Variants in ADGRD1 observed in about 807,000 individuals in gnomAD.
ADGRD1 encodes the protein G-protein coupled receptor 133.
ADGRD1 carries 77 observed loss-of-function variants against 113.4 expected under a neutral mutation model. The ratio of observed to expected loss-of-function variants is 0.68; its 90% CI spans 0.57 to 0.82. ADGRD1 has a LOEUF of 0.82. ADGRD1 is among the 40% of genes least tolerant of loss of function. The pLI is 0.00. For synonymous variants in ADGRD1, 474 were observed against 475.0 expected (o/e 1.00, Z 0.03); for missense variants, 1,036 against 1,139.1 (o/e 0.91, Z 1.30).
chr12:130,992,028 A>C (rs562043203), intron 7 of ADGRD1, among the ~76,000 whole-genome samples: 129 of 151,924 alleles, frequency 8.5e-4, no homozygotes, highest in African/African-American at 3.0e-3. Flanking sequence ...GGCTGAGGCA[A>C]GAGACTCGCT....
chr12:130,955,122 G>GATTTTTTTTTTTTTTTTTTTTTTTTT (rs1869384063), intron 2 of ADGRD1, among the ~76,000 whole-genome samples: 1 of 21,516 alleles, frequency 4.6e-5, no homozygotes. Flanking sequence ...ACTACACCCA[G>GATTTTTTTTTTTTTTTTTTTTTTTTT]CTTTTTTTTT....
intron 4 of ADGRD1, among the ~76,000 whole-genome samples, chr12:130,979,682 C>T (rs1052468126): frequency 7.9e-5 from 12 of 152,310 alleles, no homozygotes; most frequent in African/African-American, 2.9e-4. Flanking sequence ...CTCTTTGGAC[C>T]AGTTCTGGGC....
At chr12:131,037,301 C>A (rs1463781312) in intron 13 of ADGRD1, among the ~76,000 whole-genome samples, 3 of 124,406 alleles carry the variant, frequency 2.4e-5, no homozygotes, top group African/African-American at 9.3e-5. Flanking sequence ...ACTCACTGCA[C>A]CAGGATCTTA....
At chr12:131,043,196 C>T (rs544348434) in intron 13 of ADGRD1, among the ~76,000 whole-genome samples, 9 of 152,220 alleles carry the variant, frequency 5.9e-5, no homozygotes, top group South Asian at 2.1e-4. Context: ...CTGAGCATGC[C>T]GTGCATTTTC....
chr12:130,955,250 C>T (rs909817048), intron 2 of ADGRD1, among the ~76,000 whole-genome samples: 2 of 151,788 alleles, frequency 1.3e-5, no homozygotes, highest in African/African-American at 4.8e-5. Flanking sequence ...CAGATGTGAG[C>T]CACCACACCC....
At chr12:131,070,060 G>T (rs939099884) in intron 13 of ADGRD1, 1 of 152,230 alleles carries the variant, frequency 6.6e-6, no homozygotes, top group African/African-American at 2.4e-5. Context: ...GCAAAGGCCT[G>T]TCCGTGTGCA....
chr12:130,966,695 G>T lies in ADGRD1; in HGVS notation c.187+149G>T. 1 of 639,592 alleles carries T rather than the reference G, an allele frequency of 1.6e-6. No individual in the cohort carries two copies. The highest frequency in any genetic ancestry group is 1.8e-5 in the South Asian group (1 of 55,658). The allele number at this position is 639,592 out of a possible 1,614,324, so 39.6% of individuals were successfully genotyped here. On this transcript the variant is annotated intron_variant, in intron 3 of 24. Coordinates refer to ENST00000261654, the MANE Select transcript of ADGRD1 (RefSeq NM_198827.5). The surrounding 1 kb of genome is among the most constrained non-coding windows in gnomAD (Gnocchi z 4.6). ...TGACTGTGGGCCGGGGAATCCCAGG[G>T]CCATCGGGGAGCAGATGTGGACACA...
chr12:130,971,278 CTAA>C lies in ADGRD1; in HGVS notation c.188-174_188-172del, dbSNP rs543159105. 3.0e-3 allele frequency: 862 copies of C among 286,266 alleles called. 11 individuals are homozygous for C. Among genetic ancestry groups the C allele is most frequent in the East Asian group, 0.027 (388 of 14,370 alleles). 17.7% of individuals were successfully genotyped at this position (286,266 alleles called of 1,614,324 possible). A position where few individuals can be genotyped will look rare whatever the true frequency, so the allele number is the denominator to read the frequency against. On this transcript the variant is annotated intron_variant, in intron 3 of 24. Transcript: ENST00000261654. This position sits in a 1 kb window ranked among gnomAD's most constrained non-coding sequence, Gnocchi z 4.2. ...ACATTAATAATTTACAATTTAATTA[CTAA>C]TAATATTACTGATGCTATGAATATT...
chr12:131,058,581 T>C (rs776422880), intron 13 of ADGRD1, among the ~76,000 whole-genome samples: 75 of 152,204 alleles, frequency 4.9e-4, no homozygotes, highest in Non-Finnish European at 8.2e-4. Context: ...AAATTCTCTG[T>C]TTTCCTTTGA....
chr12:131,102,588 CAG>C (rs1340535813), intron 15 of ADGRD1, among the ~76,000 whole-genome samples: 1 of 152,176 alleles, frequency 6.6e-6, no homozygotes, highest in African/African-American at 2.4e-5. Flanking sequence ...GGGCTCTGGG[CAG>C]AGTCGGTGTG....
Position 131,003,339 on chromosome 12 carries a change from G to A in ADGRD1, c.1144+37G>A. On this transcript the variant is annotated intron_variant, in intron 10 of 24. Transcript: ENST00000261654. This position sits in a 1 kb window ranked among gnomAD's most constrained non-coding sequence, Gnocchi z 4.8. ...TTGTAAGGGTGAGCCACATGGCAGGGGCGGGGGCTGGAGGCTGCGTTTCAC... is the reference window on the plus strand; with the variant it reads ...TTGTAAGGGTGAGCCACATGGCAGGAGCGGGGGCTGGAGGCTGCGTTTCAC... The A allele has an allele frequency of 1.4e-6, 2 of 1,420,100 alleles. No individual in the cohort carries two copies. Among genetic ancestry groups the A allele is most frequent in the African/African-American group, 1.4e-5 (1 of 71,202 alleles). 88.0% of individuals were successfully genotyped at this position (1,420,100 alleles called of 1,614,324 possible).
At chr12:131,128,151 T>G (rs968235108) in intron 20 of ADGRD1, among the ~76,000 whole-genome samples, 1 of 143,382 alleles carries the variant, frequency 7.0e-6, no homozygotes, top group African/African-American at 2.6e-5. Context: ...GTGATGGGAT[T>G]CTGAGCTCAG....
intron 2 of ADGRD1, among the ~76,000 whole-genome samples, chr12:130,963,502 C>G (rs1287848239): frequency 6.6e-6 from 1 of 152,132 alleles, no homozygotes; most frequent in East Asian, 1.9e-4. Flanking sequence ...CTCTCTCCAT[C>G]CCTGCCCTGA....
chr12:130,955,716 C>T (rs3858551), intron 2 of ADGRD1, among the ~76,000 whole-genome samples: 61,052 of 151,342 alleles, frequency 0.4, 12,445 homozygotes, highest in Middle Eastern at 0.49. Context: ...TGGCTGGGCA[C>T]CCCCCCGAGC....
chr12:130,958,582 G>C (rs1056549339), intron 2 of ADGRD1, among the ~76,000 whole-genome samples: 1 of 152,146 alleles, frequency 6.6e-6, no homozygotes, highest in Non-Finnish European at 1.5e-5. Flanking sequence ...ATCCCTGGCT[G>C]TCTGTGTGAA....
chr12:131,034,234 T>A (rs945600437), intron 13 of ADGRD1, among the ~76,000 whole-genome samples: 1 of 152,138 alleles, frequency 6.6e-6, no homozygotes, highest in Admixed American at 6.5e-5. Context: ...TCCACTCCGC[T>A]CCCGCCATGC....
chr12:131,006,903 GA>G (rs1185042137), intron 12 of ADGRD1, among the ~76,000 whole-genome samples: 1 of 152,196 alleles, frequency 6.6e-6, no homozygotes, highest in Non-Finnish European at 1.5e-5. Flanking sequence ...AATGGTCAAA[GA>G]AAAATGCAAT....
At chr12:131,068,733 T>G (rs1884919562) in intron 13 of ADGRD1, among the ~76,000 whole-genome samples, 1 of 152,196 alleles carries the variant, frequency 6.6e-6, no homozygotes, top group African/African-American at 2.4e-5. Flanking sequence ...GGATAATGAA[T>G]GGATTGGATC....
chr12:131,002,287 A>G (rs1876483841), intron 9 of ADGRD1, among the ~76,000 whole-genome samples: 1 of 152,266 alleles, frequency 6.6e-6, no homozygotes, highest in Admixed American at 6.5e-5. Flanking sequence ...ATTAAAGAGA[A>G]TGCATGAATC....
Sources: gnomAD v4.1 joint callset for allele counts (sites outside exome capture counted in the v4.1 genomes callset) on GRCh38, gnomAD v4.1.1 for gene constraint, Gnocchi (gnomAD v3.1) non-coding constraint, MANE v1.5 for transcripts, NCBI Gene and HGNC (gene_info 2026-07-23, HGNC 2026-07-21) for gene names.